The following MCF2L variants were observed in gnomAD, a reference collection of about 807,000 sequenced individuals.
The protein encoded by MCF2L is MCF.2 cell line derived transforming sequence like, also known as guanine nucleotide exchange factor DBS.
In MCF2L, 97 loss-of-function variants were observed where a neutral mutation model predicts 153.4. The ratio of observed to expected loss-of-function variants is 0.63; its 90% CI spans 0.54 to 0.75. The LOEUF (loss-of-function observed/expected upper bound fraction) is 0.75, where lower values mean the gene tolerates loss of function less well. Among genes scored for constraint, MCF2L ranks in the 30% least tolerant of loss-of-function variants. The pLI, the probability that MCF2L is intolerant of heterozygous loss-of-function variation, is 0.00. For synonymous variants in MCF2L, 659 were observed against 632.2 expected (o/e 1.04, Z -0.64); for missense variants, 1,347 against 1,495.2 (o/e 0.90, Z 1.64).
At chr13:112,931,263 T>G (rs2081460206) in intron 2 of MCF2L, among the ~76,000 whole-genome samples, 2 of 152,184 alleles carry the variant, frequency 1.3e-5, no homozygotes, top group Admixed American at 6.5e-5. Context: ...CCTGCGTGAC[T>G]CTGGGCAGGA....
rs181731253 is a variant in MCF2L, at chr13:113,015,011, T to C, written c.163+165T>C. On this transcript the variant is annotated intron_variant, in intron 2 of 29. Coordinates refer to ENST00000535094, the MANE Select transcript of MCF2L (RefSeq NM_001112732.3). Reference sequence around the variant, plus strand: ...CCTGTGACCTGGCTCTCCCCATCTCTGTGAAGTGGGCAGCTCCATGCCAGT... The same window carrying C: ...CCTGTGACCTGGCTCTCCCCATCTCCGTGAAGTGGGCAGCTCCATGCCAGT... Among the ~76,000 whole-genome samples the C allele has an allele frequency of 4.1e-4, 63 of 152,316 alleles. 1 individual carries two copies. The East Asian group carries it at 0.012, about 29-fold the overall frequency.
intron 1 of MCF2L, among the ~76,000 whole-genome samples, chr13:112,985,971 A>AG (rs2082622373): frequency 6.6e-6 from 1 of 152,200 alleles, no homozygotes; most frequent in Non-Finnish European, 1.5e-5. Context: ...TCAGCCGTGC[A>AG]GGGAGCTGTG....
chr13:113,087,791 A>G lies in MCF2L; in HGVS notation c.2680A>G (p.Ile894Val), dbSNP rs143370145. ...GTACAACGCGCGCGAGGAGGTCTAC[A>G]TCGTCCAGGTGGGCCACCCACCCTA... ...IWYNAREEVY[I>V]VQAPTPEIKA... is the part of the protein sequence containing the mutation. The change falls in exon 23 of 30, where the codon ATC becomes GTC. Residue 894 changes from isoleucine to valine, a missense_variant. Transcript: ENST00000535094. 17 of 1,613,914 alleles carry G rather than the reference A, an allele frequency of 1.1e-5. No homozygotes were observed. Among genetic ancestry groups the G allele is most frequent in the Non-Finnish European group, 1.4e-5 (17 of 1,179,992 alleles).
intron 1 of MCF2L, among the ~76,000 whole-genome samples, chr13:112,975,626 GCAGGGAGCCGCTGCCGTGGTCATCCT>G (rs1316711471): frequency 9.8e-5 from 15 of 152,360 alleles, no homozygotes; most frequent in South Asian, 6.2e-4. Flanking sequence ...CCTGTGCACA[GCAGGGAGCCGCTGCCGTGGTCATCCT>G]CAGGGAGCCG....
chr13:113,062,754 A>G (rs1164157266), intron 5 of MCF2L, among the ~76,000 whole-genome samples: 1 of 152,130 alleles, frequency 6.6e-6, no homozygotes, highest in East Asian at 1.9e-4. Flanking sequence ...TGGCCCCGGC[A>G]CCTCTGCTGC....
chr13:112,975,977 C>A (rs182490979), intron 1 of MCF2L, among the ~76,000 whole-genome samples: 332 of 152,236 alleles, frequency 2.2e-3, no homozygotes, highest in African/African-American at 7.4e-3. Context: ...CCAGTGTAAA[C>A]CCCAGGAGAT....
At chr13:112,900,342 C>A (rs1378276071) in intron 1 of MCF2L, among the ~76,000 whole-genome samples, 1 of 152,248 alleles carries the variant, frequency 6.6e-6, no homozygotes, top group Non-Finnish European at 1.5e-5. Context: ...GTGAGCACAG[C>A]TGGGTCCCAG....
intron 1 of MCF2L, among the ~76,000 whole-genome samples, chr13:112,982,031 T>C (rs968725499): frequency 6.6e-6 from 1 of 152,048 alleles, no homozygotes; most frequent in Non-Finnish European, 1.5e-5. Flanking sequence ...GACCTGAAGG[T>C]TGTGGGAAAC....
intron 2 of MCF2L, among the ~76,000 whole-genome samples, chr13:113,020,800 G>T (rs1156798897): frequency 1.4e-5 from 2 of 143,006 alleles, no homozygotes; most frequent in Non-Finnish European, 3.1e-5. Flanking sequence ...GTGTAGATGT[G>T]TGTATGTATA....
chr13:112,976,226 TTAA>T (rs2082210473), intron 1 of MCF2L, among the ~76,000 whole-genome samples: 1 of 151,914 alleles, frequency 6.6e-6, no homozygotes, highest in South Asian at 2.1e-4. Context: ...TACTCCTTTA[TTAA>T]TAATGTTAAA....
intron 5 of MCF2L, among the ~76,000 whole-genome samples, chr13:113,062,276 GCTCCT>G (rs2031631887): frequency 6.6e-6 from 1 of 152,082 alleles, no homozygotes; most frequent in South Asian, 2.1e-4. Flanking sequence ...GCAGCTCAGA[GCTCCT>G]CTGACAGCTC....
intron 4 of MCF2L, among the ~76,000 whole-genome samples, chr13:113,057,241 G>C (rs556106424): frequency 2.0e-5 from 3 of 147,676 alleles, no homozygotes; most frequent in African/African-American, 5.0e-5. Context: ...AGTGGGTGCT[G>C]TGTTTAGGTG....
In MCF2L at chr13:112,960,238, G is replaced by A. The variant is rs1182765735; in HGVS notation, c.170-54525G>A. ...CATCTGGTGAGGGCCCCTGAGCTGC[G>A]TCTTTCCAAGAGACGGCCTCACCCG... is the stretch of plus-strand genomic sequence containing the variant. On this transcript the variant is annotated intron_variant, in intron 2 of 29. Coordinates refer to the MCF2L transcript ENST00000375608. The surrounding 1 kb of genome is among the most constrained non-coding windows in gnomAD (Gnocchi z 4.2). Among the ~76,000 whole-genome samples, 4 of 152,182 alleles carry A rather than the reference G, an allele frequency of 2.6e-5. No individual in the cohort carries two copies. Among genetic ancestry groups the A allele is most frequent in the Admixed American group, 1.3e-4 (2 of 15,284 alleles).
chr13:113,061,756 TTCCCTCTCCCCCTTCCCCTCCCC>T (rs1229950500), intron 5 of MCF2L, among the ~76,000 whole-genome samples: 1 of 17,832 alleles, frequency 5.6e-5, no homozygotes, highest in Admixed American at 7.1e-4. Context: ...TTCCCCTCCC[TTCCCTCTCCCCCTTCCCCTCCCC>T]TCCCTCTCCC....
At chr13:112,963,036 G>A (rs1198537217) in intron 2 of MCF2L, among the ~76,000 whole-genome samples, 1 of 152,122 alleles carries the variant, frequency 6.6e-6, no homozygotes, top group East Asian at 1.9e-4. Flanking sequence ...GTCTGGGCCT[G>A]GAGCTCTGGG....
At chr13:113,066,987 G>A (rs1055861701) in intron 8 of MCF2L, among the ~76,000 whole-genome samples, 8 of 152,352 alleles carry the variant, frequency 5.3e-5, no homozygotes, top group Non-Finnish European at 8.8e-5. Context: ...ACTCGACGGC[G>A]CATCCTTGAG....
At chr13:113,082,398 C>G (rs1382443765) in intron 16 of MCF2L, 29 bp from the exon 17 acceptor site, 6 of 1,444,920 alleles carry the variant, frequency 4.2e-6, no homozygotes, top group Non-Finnish European at 5.8e-6. Context: ...GGCCCAGGAC[C>G]CCCGCCGACC....
chr13:113,090,218 G>C lies in MCF2L; in HGVS notation c.2953+490G>C, dbSNP rs931067718. The C allele has an allele frequency of 4.2e-5, 61 of 1,455,714 alleles. No individual in the cohort carries two copies. In the Middle Eastern group the frequency reaches 5.4e-4, roughly 13 times the overall value. The allele number at this position is 1,455,714 out of a possible 1,614,324, so 90.2% of individuals were successfully genotyped here. A position where few individuals can be genotyped will look rare whatever the true frequency, so the allele number is the denominator to read the frequency against. On this transcript the variant is annotated intron_variant, in intron 26 of 29. Coordinates refer to ENST00000535094, the MANE Select transcript of MCF2L (RefSeq NM_001112732.3). Reference sequence around the variant, plus strand: ...ACCGTGGTGGCGTCTGTCATGCATCGTGTGTGACCATTCGTGCCTCCTTCG... The same window carrying C: ...ACCGTGGTGGCGTCTGTCATGCATCCTGTGTGACCATTCGTGCCTCCTTCG...
At chr13:112,905,024 A>C (rs919339039) in intron 2 of MCF2L, among the ~76,000 whole-genome samples, 3 of 152,218 alleles carry the variant, frequency 2.0e-5, no homozygotes, top group Non-Finnish European at 4.4e-5. Flanking sequence ...ACCAGTGTCC[A>C]TCTTCAGAAC....
Sources: allele counts gnomAD v4.1 joint callset (sites outside exome capture counted in the v4.1 genomes callset), GRCh38; gene constraint gnomAD v4.1.1; non-coding constraint Gnocchi (gnomAD v3.1); transcripts MANE v1.5; gene names NCBI Gene and HGNC (gene_info 2026-07-23, HGNC 2026-07-21).